COL15A1: variants seen among roughly 807,000 people sequenced by gnomAD.
COL15A1 encodes the protein collagen type XV alpha 1 chain.
In COL15A1, 111 loss-of-function variants were observed where a neutral mutation model predicts 165.9. The ratio of observed to expected loss-of-function variants is 0.67; its 90% confidence interval spans 0.57 to 0.78. The LOEUF is 0.78. Ranked by LOEUF, COL15A1 falls within the 30% of genes least tolerant of loss-of-function variation. COL15A1 has a pLI of 0.00. For synonymous variants in COL15A1, 659 were observed against 674.8 expected (o/e 0.98, Z 0.36); for missense variants, 1,745 against 1,789.7 (o/e 0.98, Z 0.45).
chr9:99,049,713 T>TCCAGGCCCC lies in COL15A1; in HGVS notation c.2820_2828dup (p.Pro945_Gly947dup), dbSNP rs1043080559. ...AGGGCCCACCTGGCTTACCTGGCCC[T>TCCAGGCCCC]CCAGGCCCCCCTGGGCCACCTGGAG... On this transcript the variant is annotated inframe_insertion, in exon 29 of 42. Transcript: ENST00000375001. The TCCAGGCCCC allele has an allele frequency of 6.2e-7, 1 of 1,613,690 alleles. No homozygotes were observed. The highest frequency in any genetic ancestry group is 1.3e-5 in the African/African-American group (1 of 74,920).
rs1326547636 is a variant in COL15A1, at chr9:99,044,844, T to C, written c.2679+74T>C. 2.2e-6 allele frequency: 3 copies of C among 1,379,386 alleles called. No individual in the cohort carries two copies. The East Asian group carries it at 6.9e-5, about 32-fold the overall frequency. 85.4% of individuals were successfully genotyped at this position (1,379,386 alleles called of 1,614,324 possible). On this transcript the variant is annotated intron_variant, in intron 26 of 41. Coordinates refer to ENST00000375001, the MANE Select transcript of COL15A1 (RefSeq NM_001855.5). ...TTTTCATACTTTGATTTGGTTAGAT[T>C]TAGTTGTCCCGGTTATGAAAATTCA... is the stretch of plus-strand genomic sequence containing the variant.
At chr9:99,043,013 A>G (rs527429424) in intron 24 of COL15A1, among the ~76,000 whole-genome samples, 12 of 152,312 alleles carry the variant, frequency 7.9e-5, no homozygotes, top group Admixed American at 5.9e-4. Flanking sequence ...GCAAAGAGCT[A>G]ACAGAGCACA....
At position 99,022,090 on chromosome 9, in the gene COL15A1, G is replaced by C; in HGVS notation, c.1702-1G>C. 6.2e-7 allele frequency: 1 copy of C among 1,614,170 alleles called. No homozygotes were observed. The highest frequency in any genetic ancestry group is 2.2e-5 in the East Asian group (1 of 44,882). On this transcript the variant is annotated splice_acceptor_variant, in intron 12 of 41. Coordinates refer to ENST00000375001, the MANE Select transcript of COL15A1 (RefSeq NM_001855.5). LOFTEE classifies it high-confidence loss of function. Reference sequence around the variant, plus strand: ...TTCACTGACCATTTTGTTCTCTTTAGGGTGATGCTGGGGAGGAGCTTCCTG... The same window carrying C: ...TTCACTGACCATTTTGTTCTCTTTACGGTGATGCTGGGGAGGAGCTTCCTG...
chr9:98,964,286 T>C (rs1230658837), intron 2 of COL15A1, among the ~76,000 whole-genome samples: 2 of 148,330 alleles, frequency 1.3e-5, no homozygotes, highest in Admixed American at 6.7e-5. Context: ...TCTCCCATTA[T>C]TCTGGTGGTC....
At chr9:99,062,948 A>G in intron 38 of COL15A1, 102 bp from the exon 39 acceptor site, 2 of 1,409,260 alleles carry the variant, frequency 1.4e-6, no homozygotes, top group Non-Finnish European at 1.9e-6. Flanking sequence ...CAAATTATTT[A>G]AAGCATCTTC....
chr9:98,961,892 G>T (rs1000794642), intron 2 of COL15A1, among the ~76,000 whole-genome samples: 1 of 152,248 alleles, frequency 6.6e-6, no homozygotes, highest in Non-Finnish European at 1.5e-5. Flanking sequence ...TGTCAGGAAG[G>T]CAGAGTCAGA....
intron 7 of COL15A1, 107 bp downstream of exon 7, chr9:99,001,058 G>T: frequency 1.4e-6 from 1 of 692,748 alleles, no homozygotes. Context: ...CAAGGGTTTT[G>T]GTTGAATAGC....
chr9:99,057,714 A>G (rs1825744217), intron 35 of COL15A1, among the ~76,000 whole-genome samples: 1 of 152,158 alleles, frequency 6.6e-6, no homozygotes, highest in Non-Finnish European at 1.5e-5. Flanking sequence ...TGTTATTTCT[A>G]CTATGTCCAT....
chr9:98,974,672 T>C (rs1039914363), intron 2 of COL15A1, among the ~76,000 whole-genome samples: 9 of 152,154 alleles, frequency 5.9e-5, no homozygotes, highest in South Asian at 2.1e-4. Context: ...TTACCCTACA[T>C]ACCCTCATCC....
Position 99,069,966 on chromosome 9 carries a change from G to T in COL15A1, c.*80G>T. On this transcript the variant is annotated 3_prime_UTR_variant, in exon 42 of 42. Coordinates refer to ENST00000375001, the MANE Select transcript of COL15A1 (RefSeq NM_001855.5). ...ACACTGAAATCTAAAATGTTTAATT[G>T]TTGTAAATATTACAGTTTTTTTTTT... 12 of 1,130,822 alleles carry T rather than the reference G, an allele frequency of 1.1e-5. No individual in the cohort carries two copies. The highest frequency in any genetic ancestry group is 6.4e-5 in the South Asian group (4 of 62,526). The allele number at this position is 1,130,822 out of a possible 1,614,324, so 70.0% of individuals were successfully genotyped here.
intron 9 of COL15A1, among the ~76,000 whole-genome samples, chr9:99,006,928 T>G (rs1431570499): frequency 6.6e-6 from 1 of 152,194 alleles, no homozygotes; most frequent in Non-Finnish European, 1.5e-5. Flanking sequence ...TTGCCAGGGT[T>G]AAGGATGCAC....
chr9:99,038,428 G>T (rs144252353), intron 21 of COL15A1, among the ~76,000 whole-genome samples: 2 of 152,366 alleles, frequency 1.3e-5, no homozygotes, highest in Non-Finnish European at 2.9e-5. Context: ...ACTCTAAAAA[G>T]AGAAGACATT....
chr9:98,949,039 T>C (rs545917503), intron 2 of COL15A1, among the ~76,000 whole-genome samples: 1 of 152,302 alleles, frequency 6.6e-6, no homozygotes, highest in South Asian at 2.1e-4. Flanking sequence ...TACCTTGACA[T>C]TAACAGTCAT....
intron 6 of COL15A1, among the ~76,000 whole-genome samples, chr9:98,999,485 G>T (rs2118933739): frequency 6.6e-6 from 1 of 152,114 alleles, no homozygotes; most frequent in East Asian, 1.9e-4. Flanking sequence ...TAACAGGCGT[G>T]CAGTCATGGT....
chr9:98,994,642 TCAG>T (rs1369635837), intron 5 of COL15A1, among the ~76,000 whole-genome samples: 13 of 152,130 alleles, frequency 8.5e-5, no homozygotes, highest in African/African-American at 2.7e-4. Context: ...TCCCCAGGGC[TCAG>T]CCAAGGACCT....
At position 99,029,833 on chromosome 9, in the gene COL15A1, G is replaced by A. The variant is rs192599513; in HGVS notation, c.2043+3867G>A. On this transcript the variant is annotated intron_variant, in intron 16 of 41. Coordinates refer to ENST00000375001, the MANE Select transcript of COL15A1 (RefSeq NM_001855.5). ...CCAGCTACTCGGGAGGCTGAGGCAG[G>A]AGAATCACCTGAACCCGGGAGGCCG... is the stretch of plus-strand genomic sequence containing the variant. Among the ~76,000 whole-genome samples the A allele has an allele frequency of 1.7e-4, 26 of 152,072 alleles. No individual in the cohort carries two copies. The East Asian group carries it at 4.8e-3, about 28-fold the overall frequency.
At chr9:98,977,801 C>G (rs1290783618) in intron 2 of COL15A1, among the ~76,000 whole-genome samples, 1 of 152,248 alleles carries the variant, frequency 6.6e-6, no homozygotes, top group Non-Finnish European at 1.5e-5. Flanking sequence ...CATTTCCCAT[C>G]TGTCGTCTCA....
At chr9:99,020,535 G>A in intron 12 of COL15A1, 93 bp downstream of exon 12, 1 of 881,704 alleles carries the variant, frequency 1.1e-6, no homozygotes, top group Non-Finnish European at 1.9e-6. Context: ...CTCTGATCAA[G>A]GGGATCGCAG....
At position 99,069,697 on chromosome 9, in the gene COL15A1, C is replaced by T; in HGVS notation, c.3978C>T (p.Gly1326=). 1.2e-6 allele frequency: 2 copies of T among 1,610,876 alleles called. No homozygotes were observed. Among genetic ancestry groups the T allele is most frequent in the Non-Finnish European group, 1.7e-6 (2 of 1,177,140 alleles). The change falls in exon 42 of 42, where the codon GGC becomes GGT. Residue 1326 remains glycine (G), a synonymous_variant. Coordinates refer to ENST00000375001, the MANE Select transcript of COL15A1 (RefSeq NM_001855.5). ...GGCCCCAGAAAGTCATTTGGCATGG[C>T]TCCAGCCCCCATGGCGTCCGCCTTG... is the stretch of plus-strand genomic sequence containing the variant. ...PSWPQKVIWH[G]SSPHGVRLVD...
Sources: gnomAD v4.1 joint callset for allele counts (sites outside exome capture counted in the v4.1 genomes callset) on GRCh38, gnomAD v4.1.1 for gene constraint, MANE v1.5 for transcripts, NCBI Gene and HGNC (gene_info 2026-07-23, HGNC 2026-07-21) for gene names.